Variants in RCOR1 observed in about 807,000 individuals in gnomAD.
The protein encoded by RCOR1 is REST corepressor.
In RCOR1, 12 loss-of-function variants were observed where a neutral mutation model predicts 64.0. That is an observed-to-expected ratio of 0.19 (90% confidence interval 0.12 to 0.30). The LOEUF is 0.30. Among genes scored for constraint, RCOR1 ranks in the 10% least tolerant of loss-of-function variants. RCOR1 has a pLI of 1.00. For synonymous variants in RCOR1, 279 were observed against 227.2 expected (o/e 1.23, Z -2.05); for missense variants, 502 against 621.2 (o/e 0.81, Z 2.04).
At chr14:102,680,603 C>T (rs183577477) in intron 2 of RCOR1, among the ~76,000 whole-genome samples, 136 of 152,206 alleles carry the variant, frequency 8.9e-4, no homozygotes, top group African/African-American at 3.2e-3. Context: ...GTCAGGAGTT[C>T]GAGACCAGCC....
intron 2 of RCOR1, among the ~76,000 whole-genome samples, chr14:102,667,734 G>T (rs1010732495): frequency 2.0e-5 from 3 of 152,100 alleles, no homozygotes; most frequent in Non-Finnish European, 4.4e-5. Context: ...AGTGGGTTTT[G>T]CAGAGTGTGT....
At chr14:102,634,087 A>G (rs1194287821) in intron 2 of RCOR1, among the ~76,000 whole-genome samples, 1 of 152,104 alleles carries the variant, frequency 6.6e-6, no homozygotes, top group Non-Finnish European at 1.5e-5. Flanking sequence ...GTGCTTGGAA[A>G]AAGGATGTGG....
rs1467206647 is a variant in RCOR1 at position 102,593,045 on chromosome 14, AGCCTCG to A, written c.163_168del (p.Ser55_Ala56del). The A allele has an allele frequency of 7.4e-7, 1 of 1,352,740 alleles. No homozygotes were observed. The highest frequency in any genetic ancestry group is 3.3e-5 in the East Asian group (1 of 30,704). The allele number at this position is 1,352,740 out of a possible 1,614,324, so 83.8% of individuals were successfully genotyped here. A position where few individuals can be genotyped will look rare whatever the true frequency, so the allele number is the denominator to read the frequency against. ...CCGCCTCGGGCGCCGCCGCCTCCTC[AGCCTCG>A]GCCGCCGCCGCCTCAGCCGCCGCCG... On this transcript the variant is annotated inframe_deletion, in exon 1 of 12. Transcript: ENST00000262241.
intron 2 of RCOR1, among the ~76,000 whole-genome samples, chr14:102,611,692 C>T (rs537450608): frequency 6.6e-6 from 1 of 152,230 alleles, no homozygotes; most frequent in African/African-American, 2.4e-5. Flanking sequence ...AAGTATTTCC[C>T]ACTATTGAGT....
chr14:102,597,870 G>A (rs1482266796), intron 2 of RCOR1, among the ~76,000 whole-genome samples: 3 of 150,244 alleles, frequency 2.0e-5, no homozygotes, highest in Non-Finnish European at 4.4e-5. Context: ...AGGCTGGGGT[G>A]CAATGGCATG....
chr14:102,609,543 G>A (rs534817688), intron 2 of RCOR1, among the ~76,000 whole-genome samples: 1 of 151,650 alleles, frequency 6.6e-6, no homozygotes, highest in East Asian at 2.0e-4. Flanking sequence ...AGGTTCAAGT[G>A]ATTCTCCTGC....
At chr14:102,661,028 TC>T (rs1000808898) in intron 2 of RCOR1, among the ~76,000 whole-genome samples, 1 of 152,174 alleles carries the variant, frequency 6.6e-6, no homozygotes, top group Non-Finnish European at 1.5e-5. Context: ...AATAAAATCC[TC>T]ACAAATCTGG....
intron 3 of RCOR1, among the ~76,000 whole-genome samples, chr14:102,683,982 C>T (rs1895359500): frequency 6.6e-6 from 1 of 152,230 alleles, no homozygotes; most frequent in African/African-American, 2.4e-5. Flanking sequence ...CTGGGAGCAG[C>T]CCTCTCCGCC....
At chr14:102,611,079 G>GT (rs1440593324) in intron 2 of RCOR1, among the ~76,000 whole-genome samples, 2 of 151,910 alleles carry the variant, frequency 1.3e-5, no homozygotes, top group African/African-American at 2.4e-5. Context: ...TTGTTTGTTT[G>GT]TTTTTTTGAG....
In RCOR1 at chr14:102,676,350, CA is replaced by C. The variant is rs1193620284; in HGVS notation, c.362-5544del. On this transcript the variant is annotated intron_variant, in intron 2 of 11. Transcript: ENST00000262241. Reference sequence around the variant, plus strand: ...TGGCCGGGCGGGGGGCTGACCCCCCCACCACCCTCCCGGACGGGGCGGCTGG... The same window carrying C: ...TGGCCGGGCGGGGGGCTGACCCCCCCCCACCCTCCCGGACGGGGCGGCTGG... Among the ~76,000 whole-genome samples, 1,248 of 138,400 alleles carry C rather than the reference CA, an allele frequency of 9.0e-3. 14 individuals carry two copies. The highest frequency in any genetic ancestry group is 0.018 in the Middle Eastern group (5 of 272). The allele number at this position is 138,400 out of a possible 152,430, so 90.8% of individuals were successfully genotyped here.
At chr14:102,606,141 G>A (rs1423842614) in intron 2 of RCOR1, among the ~76,000 whole-genome samples, 3 of 152,146 alleles carry the variant, frequency 2.0e-5, no homozygotes, top group African/African-American at 7.2e-5. Context: ...GGGCAGGCTG[G>A]CCTTGAACTC....
intron 2 of RCOR1, among the ~76,000 whole-genome samples, chr14:102,618,229 G>T (rs185876929): frequency 6.6e-6 from 1 of 151,782 alleles, no homozygotes; most frequent in African/African-American, 2.4e-5. Flanking sequence ...CCCCTGCCTC[G>T]GCCTCCCAAA....
chr14:102,595,581 C>CTT (rs768934697), intron 2 of RCOR1, among the ~76,000 whole-genome samples: 6 of 144,314 alleles, frequency 4.2e-5, no homozygotes, highest in African/African-American at 5.1e-5. Context: ...TTCCAAATTT[C>CTT]TTTTTTTTTT....
At chr14:102,679,302 AT>A (rs995705547) in intron 2 of RCOR1, among the ~76,000 whole-genome samples, 5 of 152,098 alleles carry the variant, frequency 3.3e-5, no homozygotes, top group African/African-American at 9.7e-5. Flanking sequence ...ATGGATCCAA[AT>A]TTTTTTAAAA....
rs899601405 is a variant in RCOR1, at chr14:102,620,358, G to A, written c.361+27033G>A. On this transcript the variant is annotated intron_variant, in intron 2 of 11. Transcript: ENST00000262241. ...CAAGGCAGGCAGATCACATGAGGTC[G>A]GGAGTTCAATACCAGCCTGACCAAC... Among the ~76,000 whole-genome samples, 8 of 150,468 alleles carry A rather than the reference G, an allele frequency of 5.3e-5. No individual in the cohort carries two copies. The East Asian group carries it at 9.8e-4, about 19-fold the overall frequency.
At chr14:102,725,455 C>T (rs1896240890) in intron 11 of RCOR1, among the ~76,000 whole-genome samples, 1 of 152,198 alleles carries the variant, frequency 6.6e-6, no homozygotes, top group African/African-American at 2.4e-5. Flanking sequence ...GTATGGGCTC[C>T]TGTATCCCAG....
In RCOR1 at chr14:102,721,000, T is replaced by A; in HGVS notation, c.1054-7T>A. On this transcript the variant is annotated splice_polypyrimidine_tract_variant and splice_region_variant and intron_variant, in intron 8 of 11. Coordinates refer to ENST00000262241, the MANE Select transcript of RCOR1 (RefSeq NM_015156.4). ...TTTTAAAATGAAAATTATTTTTTCC[T>A]TCCTAGATCCAGAATATTAAACAGA... 7.0e-7 allele frequency: 1 copy of A among 1,435,228 alleles called. No homozygotes were observed. Among genetic ancestry groups the A allele is most frequent in the Non-Finnish European group, 9.5e-7 (1 of 1,051,484 alleles). 88.9% of individuals were successfully genotyped at this position (1,435,228 alleles called of 1,614,324 possible).
At chr14:102,696,154 G>A (rs924682220) in intron 3 of RCOR1, among the ~76,000 whole-genome samples, 4 of 151,990 alleles carry the variant, frequency 2.6e-5, no homozygotes, top group Admixed American at 6.6e-5. Context: ...TTGTTATTTC[G>A]TGTGTTTGTT....
intron 2 of RCOR1, among the ~76,000 whole-genome samples, chr14:102,630,728 C>A (rs1243975644): frequency 6.6e-6 from 1 of 152,176 alleles, no homozygotes. Flanking sequence ...TATTTCCCAG[C>A]TCCACTCACC....
Sources: gnomAD v4.1 joint callset for allele counts (sites outside exome capture counted in the v4.1 genomes callset) on GRCh38, gnomAD v4.1.1 for gene constraint, MANE v1.5 for transcripts, NCBI Gene and HGNC (gene_info 2026-07-23, HGNC 2026-07-21) for gene names.